Variants in STPG2 observed in about 807,000 individuals in gnomAD.
STPG2 encodes sperm tail PG-rich repeat containing 2, also known as sperm-tail PG-rich repeat-containing protein 2.
In STPG2, 56 loss-of-function variants were observed where a neutral mutation model predicts 54.2. That is an observed-to-expected ratio of 1.03 (90% confidence interval 0.83 to 1.29). The LOEUF is 1.29. Ranked by LOEUF, STPG2 falls within the 50% of genes most tolerant of loss-of-function variation. STPG2 has a pLI of 0.00. For missense variants in STPG2, 596 were observed against 544.9 expected (o/e 1.09, Z -0.93); for synonymous variants, 200 against 181.8 (o/e 1.10, Z -0.81).
At chr4:98,135,061 G>A (rs4699329) in intron 1 of STPG2, among the ~76,000 whole-genome samples, 59,934 of 151,500 alleles carry the variant, frequency 0.4, 12,097 homozygotes, top group Middle Eastern at 0.46. Flanking sequence ...TGAAAAACTG[G>A]TACTAAAAAA....
Position 97,792,636 on chromosome 4 carries a change from ATCCCACTGTG to A in STPG2, c.1204+48127_1204+48136del, listed in dbSNP as rs879289541. On this transcript the variant is annotated intron_variant, in intron 9 of 10. Transcript: ENST00000295268. ...ACTCAAAACCCTCTAAAAGCCTTCC[ATCCCACTGTG>A]AAGCAAGGCCTACCAAGTCATACAA... 2.5e-3 allele frequency among the ~76,000 whole-genome samples: 376 copies of A among 152,226 alleles called. 3 individuals are homozygous for A. In the East Asian group the frequency reaches 0.032, roughly 13 times the overall value.
At chr4:97,880,910 T>G (rs886454219) in intron 8 of STPG2, among the ~76,000 whole-genome samples, 2 of 152,058 alleles carry the variant, frequency 1.3e-5, no homozygotes, top group Non-Finnish European at 2.9e-5. Flanking sequence ...ATTTGAGAGC[T>G]TCAAATATTC....
intron 7 of STPG2, among the ~76,000 whole-genome samples, chr4:97,957,364 A>C (rs1054458645): frequency 2.0e-5 from 3 of 151,656 alleles, no homozygotes; most frequent in African/African-American, 7.3e-5. Flanking sequence ...TAATTCACCC[A>C]ATCAAACAAA....
chr4:97,695,000 C>T (rs1239477739), intron 10 of STPG2, among the ~76,000 whole-genome samples: 1 of 150,644 alleles, frequency 6.6e-6, no homozygotes, highest in Non-Finnish European at 1.5e-5. Flanking sequence ...AAGCCAATGT[C>T]ACCCTAATAG....
rs184807232 is a variant in STPG2 at position 97,441,901 on chromosome 4, C to G, written c.463-254068G>C. 1.8e-4 allele frequency among the ~76,000 whole-genome samples: 28 copies of G among 151,958 alleles called. 1 individual carries two copies. In the Middle Eastern group the frequency reaches 0.01, roughly 56 times the overall value. On this transcript the variant is annotated intron_variant, in intron 4 of 4. Transcript: ENST00000522676. ...CAAAAAAGAAATAGAAATCAAATAACCTGTTAAAACTTTCACAATATAATT... is the reference window on the plus strand; with the variant it reads ...CAAAAAAGAAATAGAAATCAAATAAGCTGTTAAAACTTTCACAATATAATT...
chr4:97,972,226 C>G, intron 7 of STPG2, 54 bp downstream of exon 7: 1 of 1,212,286 alleles, frequency 8.2e-7, no homozygotes. Context: ...TCAAGAGAAC[C>G]CTAAGAGCTT....
chr4:97,535,390 A>C (rs1560648233), intron 4 of STPG2, among the ~76,000 whole-genome samples: 1 of 152,184 alleles, frequency 6.6e-6, no homozygotes, highest in South Asian at 2.1e-4. Context: ...CACAATCATT[A>C]TAAAGAACTT....
intron 9 of STPG2, among the ~76,000 whole-genome samples, chr4:97,789,623 C>G (rs1391104075): frequency 6.6e-6 from 1 of 152,066 alleles, no homozygotes; most frequent in Non-Finnish European, 1.5e-5. Context: ...TCTGAAAATA[C>G]AAATGATTAT....
At chr4:97,904,050 C>A (rs1019188978) in intron 8 of STPG2, among the ~76,000 whole-genome samples, 3 of 152,204 alleles carry the variant, frequency 2.0e-5, no homozygotes, top group Non-Finnish European at 2.9e-5. Flanking sequence ...CCCAGGCTTG[C>A]TTAGGTAAAC....
rs575923748 is a variant in STPG2 at position 97,982,444 on chromosome 4, T to C, written c.613-1126A>G. Among the ~76,000 whole-genome samples, 3 of 151,950 alleles carry C rather than the reference T, an allele frequency of 2.0e-5. No individual in the cohort carries two copies. In the East Asian group the frequency reaches 5.8e-4, roughly 29 times the overall value. On this transcript the variant is annotated intron_variant, in intron 5 of 10. Coordinates refer to ENST00000295268, the MANE Select transcript of STPG2 (RefSeq NM_174952.3). ...GAAAGTTGCATATTTCATGGCTCTTTACCCACAAATACTTCAGTATGTATT... is the reference window on the plus strand; with the variant it reads ...GAAAGTTGCATATTTCATGGCTCTTCACCCACAAATACTTCAGTATGTATT...
intron 5 of STPG2, among the ~76,000 whole-genome samples, chr4:98,063,028 G>C (rs182867825): frequency 3.9e-5 from 6 of 151,960 alleles, no homozygotes; most frequent in Non-Finnish European, 5.9e-5. Flanking sequence ...AGGATTACAG[G>C]CATGAGCCAG....
rs1738668646 is a variant in STPG2 at position 98,090,978 on chromosome 4, CATACACACACACACAA to C, written c.612+14959_612+14974del. On this transcript the variant is annotated intron_variant, in intron 5 of 10. Transcript: ENST00000295268. ...ACACAGCTACACACACACACAAATA[CATACACACACACACAA>C]AATGTCACATGCTTCTTATATCCTC... 5.3e-5 allele frequency among the ~76,000 whole-genome samples: 3 copies of C among 56,364 alleles called. No individual in the cohort carries two copies. In the South Asian group the frequency reaches 1.9e-3, roughly 35 times the overall value. The allele number at this position is 56,364 out of a possible 152,430, so 37.0% of individuals were successfully genotyped here.
At chr4:97,579,450 ACTTAT>A (rs1216517790) in intron 10 of STPG2, among the ~76,000 whole-genome samples, 1 of 152,040 alleles carries the variant, frequency 6.6e-6, no homozygotes, top group African/African-American at 2.4e-5. Context: ...TGAATAAAAT[ACTTAT>A]CTTGTTTGAA....
In STPG2 at chr4:97,813,629, C is replaced by T. The variant is rs868293189; in HGVS notation, c.1204+27144G>A. 4.9e-5 allele frequency among the ~76,000 whole-genome samples: 6 copies of T among 123,354 alleles called. No individual in the cohort carries two copies. In the Admixed American group the frequency reaches 5.3e-4, roughly 11 times the overall value. 80.9% of individuals were successfully genotyped at this position (123,354 alleles called of 152,430 possible). On this transcript the variant is annotated intron_variant, in intron 9 of 10. Transcript: ENST00000295268. ...GTCTGAAACAGGAGAATTGCTTGAG[C>T]CCAGGAGTTCAAGTCCAGCTTGGGC...
chr4:97,610,660 C>T (rs1019826856), intron 10 of STPG2, among the ~76,000 whole-genome samples: 9 of 152,124 alleles, frequency 5.9e-5, no homozygotes, highest in Middle Eastern at 3.4e-3. Context: ...CAGTCCAGCA[C>T]ATCTCACTAA....
At chr4:97,675,548 C>T (rs764058439) in intron 10 of STPG2, among the ~76,000 whole-genome samples, 4 of 152,046 alleles carry the variant, frequency 2.6e-5, no homozygotes, top group African/African-American at 7.2e-5. Flanking sequence ...AATTTGAATG[C>T]GGTGCCCTGC....
chr4:97,827,185 G>T (rs1728284732), intron 9 of STPG2, among the ~76,000 whole-genome samples: 1 of 150,816 alleles, frequency 6.6e-6, no homozygotes, highest in South Asian at 2.1e-4. Context: ...AAATGTTGCT[G>T]ATCCTTTGTT....
chr4:97,917,914 A>G (rs1262953124), intron 8 of STPG2, among the ~76,000 whole-genome samples: 1 of 152,202 alleles, frequency 6.6e-6, no homozygotes, highest in African/African-American at 2.4e-5. Context: ...ATAGGAAAAA[A>G]AAGAGTGGCT....
intron 4 of STPG2, among the ~76,000 whole-genome samples, chr4:97,512,396 G>A (rs1730991031): frequency 1.3e-5 from 2 of 152,102 alleles, no homozygotes; most frequent in African/African-American, 2.4e-5. Context: ...TGTCTTTAAG[G>A]TGCCTATGAA....
Sources: gnomAD v4.1 joint callset for allele counts (sites outside exome capture counted in the v4.1 genomes callset) on GRCh38, gnomAD v4.1.1 for gene constraint, MANE v1.5 for transcripts, NCBI Gene and HGNC (gene_info 2026-07-23, HGNC 2026-07-21) for gene names.